The following GRHL2 variants were observed in gnomAD, a reference collection of about 807,000 sequenced individuals.
GRHL2 encodes grainyhead-like protein 2 homolog.
GRHL2 carries 21 observed loss-of-function variants against 83.8 expected under a neutral mutation model. The observed-to-expected ratio is 0.25, with a 90% CI of 0.18 to 0.36. GRHL2 has a LOEUF of 0.36. Among genes scored for constraint, GRHL2 ranks in the 10% least tolerant of loss-of-function variants. GRHL2 has a pLI of 1.00. For missense variants in GRHL2, 623 were observed against 781.8 expected (o/e 0.80, Z 2.42); for synonymous variants, 280 against 278.9 (o/e 1.00, Z -0.04).
chr8:101,552,645 G>C, intron 2 of GRHL2, 70 bp from the exon 3 acceptor site: 1 of 1,418,814 alleles, frequency 7.0e-7, no homozygotes, highest in Non-Finnish European at 1.0e-6. Context: ...TGCTTATGCC[G>C]GTGTCCAGCT....
chr8:101,580,522 TG>T (rs36119597), intron 7 of GRHL2, among the ~76,000 whole-genome samples: 42,945 of 151,824 alleles, frequency 0.28, 6,225 homozygotes, highest in South Asian at 0.43. Flanking sequence ...CCCAAAGTGC[TG>T]GGATTACAGG....
chr8:101,655,825 A>C (rs1813774243), intron 14 of GRHL2, among the ~76,000 whole-genome samples: 1 of 152,232 alleles, frequency 6.6e-6, no homozygotes. Context: ...GGTGGTAGTG[A>C]GATGAGTTTC....
chr8:101,636,728 C>A, intron 11 of GRHL2, 169 bp from the exon 12 acceptor site: 1 of 472,318 alleles, frequency 2.1e-6, no homozygotes, highest in South Asian at 2.7e-5. Context: ...TAGAAATACA[C>A]ACACACACAC....
rs1814164993 is a variant in GRHL2 at position 101,669,579 on chromosome 8, G to C, written c.*2876G>C. 1 of 146,112 alleles carries C rather than the reference G, an allele frequency of 6.8e-6. No homozygotes were observed. Among genetic ancestry groups the C allele is most frequent in the Non-Finnish European group, 1.5e-5 (1 of 66,604 alleles). The allele number at this position is 146,112 out of a possible 1,614,324, so 9.1% of individuals were successfully genotyped here. A position where few individuals can be genotyped will look rare whatever the true frequency, so the allele number is the denominator to read the frequency against. On this transcript the variant is annotated 3_prime_UTR_variant, in exon 16 of 16. Transcript: ENST00000646743. ...AGGGAGATTGATATATGTACAATTT[G>C]CTCTCATGTTTTAAAAAAAAAAAGG...
At chr8:101,548,827 C>G (rs1232853010) in intron 2 of GRHL2, among the ~76,000 whole-genome samples, 1 of 152,236 alleles carries the variant, frequency 6.6e-6, no homozygotes. Flanking sequence ...GCACAGCTGT[C>G]AGCACAGAGC....
intron 8 of GRHL2, among the ~76,000 whole-genome samples, chr8:101,611,139 G>A (rs553487382): frequency 1.3e-5 from 2 of 151,046 alleles, no homozygotes; most frequent in East Asian, 1.9e-4. Flanking sequence ...CATTCATCCC[G>A]GGATTAGTTT....
intron 5 of GRHL2, among the ~76,000 whole-genome samples, chr8:101,572,174 G>A (rs539334008): frequency 1.8e-4 from 27 of 152,288 alleles, no homozygotes; most frequent in African/African-American, 6.5e-4. Context: ...AAAGCAGTCT[G>A]TGCCCTAGAC....
chr8:101,500,313 G>C (rs1358341753), intron 1 of GRHL2, among the ~76,000 whole-genome samples: 1 of 152,048 alleles, frequency 6.6e-6, no homozygotes, highest in Non-Finnish European at 1.5e-5. Flanking sequence ...AGCTTCACTG[G>C]TCTTCAAATT....
At chr8:101,664,327 C>A in intron 14 of GRHL2, 127 bp from the exon 15 acceptor site, 1 of 681,248 alleles carries the variant, frequency 1.5e-6, no homozygotes, top group Non-Finnish European at 2.6e-6. Flanking sequence ...TTTGAGAGTT[C>A]GACTCATGAG....
At chr8:101,647,908 A>G (rs796982128) in intron 13 of GRHL2, among the ~76,000 whole-genome samples, 8 of 152,074 alleles carry the variant, frequency 5.3e-5, no homozygotes, top group African/African-American at 1.9e-4. Context: ...GGGAGTTTGG[A>G]TGAGAGCTGA....
intron 1 of GRHL2, among the ~76,000 whole-genome samples, chr8:101,513,510 T>TTTTTTTTTTTTTGGGGTGG (rs55792824): frequency 6.8e-6 from 1 of 147,198 alleles, no homozygotes. Context: ...CTTTTTTTTT[T>TTTTTTTTTTTTTGGGGTGG]GGAGATGGAG....
At chr8:101,521,584 T>C (rs1344691006) in intron 1 of GRHL2, among the ~76,000 whole-genome samples, 1 of 152,172 alleles carries the variant, frequency 6.6e-6, no homozygotes, top group East Asian at 1.9e-4. Flanking sequence ...TTTTCATCGC[T>C]GTATCCCAGT....
At chr8:101,528,696 A>G (rs965126480) in intron 1 of GRHL2, 5 of 228,426 alleles carry the variant, frequency 2.2e-5, no homozygotes, top group African/African-American at 7.0e-5. Context: ...CTCTTTTCCT[A>G]TTCTTTGCCT....
intron 1 of GRHL2, among the ~76,000 whole-genome samples, chr8:101,515,602 C>T (rs950693233): frequency 7.9e-5 from 12 of 152,126 alleles, no homozygotes; most frequent in Non-Finnish European, 1.5e-4. Flanking sequence ...CACATGGAAG[C>T]CTTTCTCCCG....
At chr8:101,552,269 G>A (rs190177191) in intron 2 of GRHL2, among the ~76,000 whole-genome samples, 364 of 152,282 alleles carry the variant, frequency 2.4e-3, no homozygotes, top group African/African-American at 8.2e-3. Context: ...TCCCAACCAC[G>A]TCAGCACTTA....
chr8:101,539,835 CT>C (rs1181360014), intron 1 of GRHL2, among the ~76,000 whole-genome samples: 5 of 152,172 alleles, frequency 3.3e-5, no homozygotes, highest in Non-Finnish European at 5.9e-5. Context: ...CTTATTTGTC[CT>C]GTCATTAGGT....
At chr8:101,603,976 C>T (rs1227624215) in intron 8 of GRHL2, among the ~76,000 whole-genome samples, 3 of 130,830 alleles carry the variant, frequency 2.3e-5, no homozygotes, top group African/African-American at 3.0e-5. Flanking sequence ...CCCTGGCACT[C>T]GGGTAGCCAG....
chr8:101,539,142 C>T (rs896187556), intron 1 of GRHL2, among the ~76,000 whole-genome samples: 7 of 152,146 alleles, frequency 4.6e-5, no homozygotes, highest in African/African-American at 9.7e-5. Flanking sequence ...TAGTGTAAAT[C>T]GAGACTTGGC....
At chr8:101,551,425 C>T (rs1272723872) in intron 2 of GRHL2, among the ~76,000 whole-genome samples, 1 of 152,090 alleles carries the variant, frequency 6.6e-6, no homozygotes, top group Non-Finnish European at 1.5e-5. Context: ...GACTCTTGGT[C>T]ACTCTGCTCT....
Sources: gnomAD v4.1 joint callset for allele counts (sites outside exome capture counted in the v4.1 genomes callset) on GRCh38, gnomAD v4.1.1 for gene constraint, MANE v1.5 for transcripts, NCBI Gene and HGNC (gene_info 2026-07-23, HGNC 2026-07-21) for gene names.